Variants in IP6K1 observed in about 807,000 individuals in gnomAD.
IP6K1 encodes the protein inositol hexakisphosphate kinase 1.
A neutral mutation model predicts 38.3 loss-of-function variants in IP6K1; 13 were observed. The ratio of observed to expected loss-of-function variants is 0.34; its 90% CI spans 0.22 to 0.54. The LOEUF is 0.54. Ranked by LOEUF, IP6K1 falls within the 20% of genes least tolerant of loss-of-function variation. The probability of loss-of-function intolerance (pLI) is 0.92; values close to 1 mark genes in which losing one functional copy is unlikely to be tolerated. For missense variants in IP6K1, 397 were observed against 599.8 expected (o/e 0.66, Z 3.53); for synonymous variants, 212 against 229.9 (o/e 0.92, Z 0.70).
intron 1 of IP6K1, among the ~76,000 whole-genome samples, chr3:49,756,763 C>T (rs745763894): frequency 2.8e-5 from 4 of 142,138 alleles, no homozygotes; most frequent in Non-Finnish European, 4.5e-5. Flanking sequence ...TTAGGTGAGC[C>T]GAGATCACGC....
At chr3:49,780,111 GAATA>G (rs531920853) in intron 1 of IP6K1, among the ~76,000 whole-genome samples, 1 of 151,906 alleles carries the variant, frequency 6.6e-6, no homozygotes, top group African/African-American at 2.4e-5. Flanking sequence ...AATGAGACAG[GAATA>G]AATAAGCTAA....
intron 1 of IP6K1, among the ~76,000 whole-genome samples, chr3:49,773,338 C>T (rs200558355): frequency 4.6e-5 from 7 of 152,142 alleles, no homozygotes; most frequent in Admixed American, 6.5e-5. Flanking sequence ...TGGCCGGGCG[C>T]GGTGGCTCAC....
Position 49,768,977 on chromosome 3 carries a change from T to C in IP6K1, c.-129+17377A>G, listed in dbSNP as rs565857151. 3.9e-4 allele frequency among the ~76,000 whole-genome samples: 59 copies of C among 152,238 alleles called. No homozygotes were observed. The South Asian group carries it at 6.4e-3, about 17-fold the overall frequency. On this transcript the variant is annotated intron_variant, in intron 1 of 5. Coordinates refer to ENST00000321599, the MANE Select transcript of IP6K1 (RefSeq NM_153273.4). The stretch of plus-strand genomic sequence containing the variant: ...CTTCAAAATAGTTAAAATTCTACAT[T>C]TTCTCATGTATATTTACTACAATTT...
chr3:49,727,125 C>G lies in IP6K1; in HGVS notation c.1323G>C (p.Gln441His), dbSNP rs984939040. The change falls in exon 6 of 6, where the codon CAG (glutamine) becomes CAC (histidine). Residue 441 changes from glutamine to histidine, a missense_variant. This residue lies in a region of IP6K1 where 164 missense variants were observed against 213.5 expected (regional missense o/e 0.77). Coordinates refer to ENST00000321599, the MANE Select transcript of IP6K1 (RefSeq NM_153273.4). The surrounding 1 kb of genome is among the most constrained non-coding windows in gnomAD (Gnocchi z 5.9). ...SIMEQMRDEN[Q>H] is the part of the protein sequence containing the mutation. ...TTCTGGGGGCCCAGAACAGGGCCTACTGGTTCTCGTCCCGCATCTGTTCCA... is the reference window on the plus strand; with the variant it reads ...TTCTGGGGGCCCAGAACAGGGCCTAGTGGTTCTCGTCCCGCATCTGTTCCA... 2 of 1,598,406 alleles carry G rather than the reference C, an allele frequency of 1.3e-6. No individual in the cohort carries two copies. Among genetic ancestry groups the G allele is most frequent in the South Asian group, 1.1e-5 (1 of 89,216 alleles).
At chr3:49,772,828 CTTT>C (rs1195930851) in intron 1 of IP6K1, among the ~76,000 whole-genome samples, 2 of 140,014 alleles carry the variant, frequency 1.4e-5, no homozygotes, top group African/African-American at 2.6e-5. Context: ...AACTCTTGAG[CTTT>C]TTTTTTTTTT....
At chr3:49,766,414 A>G (rs1405754620) in intron 1 of IP6K1, among the ~76,000 whole-genome samples, 2 of 151,774 alleles carry the variant, frequency 1.3e-5, no homozygotes, top group Non-Finnish European at 2.9e-5. Context: ...CTGTAATCCC[A>G]GCACTTTGGG....
At chr3:49,747,205 T>TA (rs1414792320) in intron 2 of IP6K1, among the ~76,000 whole-genome samples, 2 of 152,086 alleles carry the variant, frequency 1.3e-5, no homozygotes, top group Admixed American at 1.3e-4. Flanking sequence ...AAAAAAAACT[T>TA]AGACACAATG....
chr3:49,775,959 T>G lies in IP6K1; in HGVS notation c.-129+10395A>C, dbSNP rs1003035689. Among the ~76,000 whole-genome samples the G allele has an allele frequency of 4.0e-5, 6 of 151,108 alleles. No homozygotes were observed. In the East Asian group the frequency reaches 1.2e-3, roughly 30 times the overall value. ...ATATTTTAGTCTTCTGCTTGAGGAG[T>G]TGACTGTGAAGCTACACCCAGTGAA... On this transcript the variant is annotated intron_variant, in intron 1 of 5. Coordinates refer to ENST00000321599, the MANE Select transcript of IP6K1 (RefSeq NM_153273.4).
At chr3:49,735,128 G>A (rs1032386823) in intron 3 of IP6K1, among the ~76,000 whole-genome samples, 3 of 152,224 alleles carry the variant, frequency 2.0e-5, no homozygotes, top group Admixed American at 1.3e-4. Context: ...GCCAAGGTGG[G>A]AGGACTGCTT....
At position 49,727,970 on chromosome 3, in the gene IP6K1, G is replaced by A. The variant is rs573689427; in HGVS notation, c.792+133C>T. ...ACTCTCACAGTGGTCCTGCACCTGA[G>A]GCCCATATCAAAGTCAACAGGTAAG... is the stretch of plus-strand genomic sequence containing the variant. On this transcript the variant is annotated intron_variant, in intron 5 of 5. Transcript: ENST00000321599. The surrounding 1 kb of genome is among the most constrained non-coding windows in gnomAD (Gnocchi z 5.9). 2.4e-6 allele frequency: 2 copies of A among 848,308 alleles called. No individual in the cohort carries two copies. Among genetic ancestry groups the A allele is most frequent in the Non-Finnish European group, 3.7e-6 (2 of 533,954 alleles). 52.5% of individuals were successfully genotyped at this position (848,308 alleles called of 1,614,324 possible).
chr3:49,761,951 CTTTCA>C (rs967248066), intron 1 of IP6K1, among the ~76,000 whole-genome samples: 7 of 151,808 alleles, frequency 4.6e-5, no homozygotes, highest in Admixed American at 1.3e-4. Flanking sequence ...GTCTCTCTCT[CTTTCA>C]TTTATTTTTT....
chr3:49,784,649 A>G (rs1211989827), intron 1 of IP6K1, among the ~76,000 whole-genome samples: 1 of 151,436 alleles, frequency 6.6e-6, no homozygotes, highest in Non-Finnish European at 1.5e-5. Context: ...CGTCTCAGAA[A>G]AAAAAAAAAA....
At chr3:49,744,688 G>T (rs1242344816) in intron 2 of IP6K1, among the ~76,000 whole-genome samples, 9 of 152,008 alleles carry the variant, frequency 5.9e-5, no homozygotes, top group Admixed American at 5.2e-4. Flanking sequence ...TCTTTTTATT[G>T]TAAGAATGGT....
At chr3:49,751,432 T>A (rs2080776769) in intron 1 of IP6K1, among the ~76,000 whole-genome samples, 1 of 152,116 alleles carries the variant, frequency 6.6e-6, no homozygotes, top group Non-Finnish European at 1.5e-5. Flanking sequence ...AGTGCTGGGA[T>A]TACAGGCATG....
intron 2 of IP6K1, 60 bp downstream of exon 2, chr3:49,747,758 T>C: frequency 1.3e-6 from 2 of 1,598,050 alleles, no homozygotes; most frequent in Non-Finnish European, 1.7e-6. Context: ...AAGAAAAAAC[T>C]GTGGCAAGGG....
chr3:49,736,132 T>C (rs1436136341), intron 3 of IP6K1, among the ~76,000 whole-genome samples: 1 of 152,176 alleles, frequency 6.6e-6, no homozygotes, highest in Non-Finnish European at 1.5e-5. Flanking sequence ...GTCAGGCTGG[T>C]CTCGAACTCC....
chr3:49,785,020 G>A (rs562090501), intron 1 of IP6K1, among the ~76,000 whole-genome samples: 1 of 152,150 alleles, frequency 6.6e-6, no homozygotes, highest in Non-Finnish European at 1.5e-5. Context: ...ATCTCATGCA[G>A]GCATATTCTA....
At position 49,738,338 on chromosome 3, in the gene IP6K1, TCCA is replaced by T. The variant is rs2080633921; in HGVS notation, c.305_307del (p.Val102del). 1 of 1,614,058 alleles carries T rather than the reference TCCA, an allele frequency of 6.2e-7. No homozygotes were observed. ...CTCCCGTTCTGTTGTGTCATCCTGT[TCCA>T]CAGTCTCACTTTCCACATAAGGATA... On this transcript the variant is annotated inframe_deletion, in exon 3 of 6. Coordinates refer to ENST00000321599, the MANE Select transcript of IP6K1 (RefSeq NM_153273.4).
At chr3:49,755,492 C>A (rs1169595635) in intron 1 of IP6K1, among the ~76,000 whole-genome samples, 1 of 152,106 alleles carries the variant, frequency 6.6e-6, no homozygotes, top group Non-Finnish European at 1.5e-5. Context: ...AAGTAAAATT[C>A]TGGCAACAGT....
Sources: allele counts gnomAD v4.1 joint callset (sites outside exome capture counted in the v4.1 genomes callset), GRCh38; gene constraint gnomAD v4.1.1; regional missense constraint gnomAD v4.1.1; non-coding constraint Gnocchi (gnomAD v3.1); transcripts MANE v1.5; gene names NCBI Gene and HGNC (gene_info 2026-07-23, HGNC 2026-07-21).